Variants in LCOR observed in about 807,000 individuals in gnomAD.
LCOR encodes ligand-dependent corepressor.
LCOR carries 14 observed loss-of-function variants against 64.4 expected under a neutral mutation model. The observed-to-expected ratio is 0.22, with a 90% confidence interval of 0.14 to 0.34. The LOEUF (loss-of-function observed/expected upper bound fraction) is 0.34, where lower values mean the gene tolerates loss of function less well. LCOR is among the 10% of genes least tolerant of loss of function. The pLI, the probability that LCOR is intolerant of heterozygous loss-of-function variation, is 1.00. For missense variants in LCOR, 1,686 were observed against 1,765.3 expected, an observed-to-expected ratio of 0.96 and a Z score of 0.80; for synonymous variants, 643 against 642.5, an observed-to-expected ratio of 1.00 and a Z score of -0.01.
chr10:96,908,590 A>ATTTGTCT (rs1263996308), intron 4 of LCOR, among the ~76,000 whole-genome samples: 13 of 152,310 alleles, frequency 8.5e-5, no homozygotes, highest in African/African-American at 2.9e-4. Context: ...TTTTAAACAT[A>ATTTGTCT]AACAGAATTT....
intron 4 of LCOR, among the ~76,000 whole-genome samples, chr10:96,932,748 C>T (rs1847284195): frequency 6.6e-6 from 1 of 152,218 alleles, no homozygotes; most frequent in South Asian, 2.1e-4. Context: ...AGGCATGAGC[C>T]ACCATGCCTG....
At chr10:96,965,152 T>G (rs916279683) in intron 7 of LCOR, among the ~76,000 whole-genome samples, 1 of 151,102 alleles carries the variant, frequency 6.6e-6, no homozygotes. Flanking sequence ...GGGACTACAG[T>G]CGCCCGCCAC....
intron 7 of LCOR, among the ~76,000 whole-genome samples, chr10:96,969,520 G>A (rs1847978758): frequency 6.6e-6 from 1 of 152,134 alleles, no homozygotes; most frequent in African/African-American, 2.4e-5. Context: ...TATACTTTAA[G>A]GTTGAAGTTT....
chr10:96,891,763 C>G (rs548530714), intron 2 of LCOR, among the ~76,000 whole-genome samples: 18 of 151,744 alleles, frequency 1.2e-4, no homozygotes, highest in African/African-American at 3.9e-4. Flanking sequence ...AGGCTAGTTG[C>G]GAACGCCTGA....
Position 96,958,225 on chromosome 10 carries a change from C to A in LCOR, c.332+6029C>A, listed in dbSNP as rs573653320. 4 of 1,303,202 alleles carry A rather than the reference C, an allele frequency of 3.1e-6. No homozygotes were observed. In the African/African-American group the frequency reaches 5.9e-5, roughly 19 times the overall value. The allele number at this position is 1,303,202 out of a possible 1,614,324, so 80.7% of individuals were successfully genotyped here. ...CTTTTATCCCCTCTCAGAAAGACAT[C>A]ACTAAAGGCCCATTAAAAATCTGGC... On this transcript the variant is annotated intron_variant, in intron 7 of 7. Coordinates refer to ENST00000421806, the MANE Select transcript of LCOR (RefSeq NM_001346516.2).
chr10:96,905,003 T>C (rs914043752), intron 2 of LCOR, among the ~76,000 whole-genome samples: 7 of 152,204 alleles, frequency 4.6e-5, no homozygotes, highest in African/African-American at 1.7e-4. Context: ...GTGACTTGTT[T>C]ACAGTTGCTA....
chr10:96,958,764 T>C, intron 7 of LCOR: 2 of 253,902 alleles, frequency 7.9e-6, no homozygotes, highest in Middle Eastern at 1.3e-3. Flanking sequence ...CTCTCTTTTT[T>C]TGAGTGTAGA....
At chr10:96,859,183 AT>A (rs1469867053) in intron 2 of LCOR, among the ~76,000 whole-genome samples, 3 of 151,930 alleles carry the variant, frequency 2.0e-5, no homozygotes, top group Non-Finnish European at 2.9e-5. Context: ...ATCGGTAAGC[AT>A]TTTGTTGTAC....
intron 2 of LCOR, among the ~76,000 whole-genome samples, chr10:96,877,193 A>G (rs943259510): frequency 2.0e-5 from 3 of 152,166 alleles, no homozygotes; most frequent in Admixed American, 2.0e-4. Context: ...GGATTTAACT[A>G]TATCAAATCA....
chr10:96,917,161 A>G (rs1846966355), intron 4 of LCOR, among the ~76,000 whole-genome samples: 1 of 152,216 alleles, frequency 6.6e-6, no homozygotes, highest in Non-Finnish European at 1.5e-5. Flanking sequence ...TTTGCAAAAA[A>G]CACAGGCAAG....
chr10:96,909,495 C>G (rs181668653), intron 4 of LCOR, among the ~76,000 whole-genome samples: 1 of 152,260 alleles, frequency 6.6e-6, no homozygotes, highest in Non-Finnish European at 1.5e-5. Context: ...TTATTTTGTT[C>G]ATCCTTTTTC....
rs780304896 is a variant in LCOR, at chr10:96,982,611, C to T, written c.2151C>T (p.Pro717=). The change falls in exon 8 of 8, where the codon CCC becomes CCT. Residue 717 remains proline (P), a synonymous_variant. Coordinates refer to ENST00000421806, the MANE Select transcript of LCOR (RefSeq NM_001346516.2). ...GTTCCCCAATGGGCTTGGAGCCCCC[C>T]ATGAGTCTGGGAAAGGCTGAGGACA... The part of the protein sequence containing the change: ...NQSSPMGLEP[P]MSLGKAEDNQ... 5.0e-6 allele frequency: 8 copies of T among 1,614,172 alleles called. No homozygotes were observed. The highest frequency in any genetic ancestry group is 5.9e-6 in the Non-Finnish European group (7 of 1,180,032).
At chr10:96,902,161 C>A (rs1433071916) in intron 2 of LCOR, among the ~76,000 whole-genome samples, 1 of 151,530 alleles carries the variant, frequency 6.6e-6, no homozygotes, top group African/African-American at 2.4e-5. Context: ...TCTCCCTGGC[C>A]TCAATAAAAA....
chr10:96,844,887 A>G (rs1172472545), intron 2 of LCOR, among the ~76,000 whole-genome samples: 3 of 152,288 alleles, frequency 2.0e-5, no homozygotes, highest in Non-Finnish European at 2.9e-5. Context: ...TATTCTTCCC[A>G]GAGACCTCAA....
chr10:96,837,703 C>T (rs1375942750), intron 2 of LCOR, among the ~76,000 whole-genome samples: 1 of 152,134 alleles, frequency 6.6e-6, no homozygotes, highest in Non-Finnish European at 1.5e-5. Flanking sequence ...AGATTATCAT[C>T]CTTGGAAGTT....
At chr10:96,902,026 C>T (rs1846647448) in intron 2 of LCOR, among the ~76,000 whole-genome samples, 1 of 152,038 alleles carries the variant, frequency 6.6e-6, no homozygotes, top group African/African-American at 2.4e-5. Context: ...TAAATCACTA[C>T]TTTGTTGTGT....
intron 7 of LCOR, chr10:96,961,831 A>G (rs1249669066): frequency 4.6e-5 from 7 of 151,668 alleles, no homozygotes; most frequent in African/African-American, 1.2e-4. Flanking sequence ...AACAACTTCT[A>G]TTATTTGGTG....
intron 2 of LCOR, among the ~76,000 whole-genome samples, chr10:96,887,177 C>T (rs943689227): frequency 3.3e-5 from 5 of 152,154 alleles, no homozygotes; most frequent in South Asian, 4.1e-4. Context: ...AAGACAGTGG[C>T]ACCAAACTTT....
rs757210350 is a variant in LCOR at position 96,952,074 on chromosome 10, T to C, written c.239-29T>C. On this transcript the variant is annotated intron_variant, in intron 6 of 7. Coordinates refer to ENST00000421806, the MANE Select transcript of LCOR (RefSeq NM_001346516.2). ...TTACATTTGCTCCTAGCTTTTAATA[T>C]CCTCAGGTGTTTCTTTGTGTCTCTG... The C allele has an allele frequency of 4.6e-6, 7 of 1,525,646 alleles. No homozygotes were observed. In the South Asian group the frequency reaches 8.0e-5, roughly 17 times the overall value. The allele number at this position is 1,525,646 out of a possible 1,614,324, so 94.5% of individuals were successfully genotyped here. A position where few individuals can be genotyped will look rare whatever the true frequency, so the allele number is the denominator to read the frequency against.
Sources: allele counts gnomAD v4.1 joint callset (sites outside exome capture counted in the v4.1 genomes callset), GRCh38; gene constraint gnomAD v4.1.1; transcripts MANE v1.5; gene names NCBI Gene and HGNC (gene_info 2026-07-23, HGNC 2026-07-21).